The following BEND3 variants were observed in gnomAD, a reference collection of about 807,000 sequenced individuals.
The protein encoded by BEND3 is BEN domain-containing protein 3.
A neutral mutation model predicts 60.1 loss-of-function variants in BEND3; 13 were observed. The observed-to-expected ratio is 0.22, with a 90% CI of 0.14 to 0.34. The LOEUF is 0.34. BEND3 is among the 10% of genes least tolerant of loss of function. The probability of loss-of-function intolerance (pLI) is 1.00; values close to 1 mark genes in which losing one functional copy is unlikely to be tolerated. For missense variants in BEND3, 896 were observed against 1,138.1 expected (o/e 0.79, Z 3.06); for synonymous variants, 497 against 491.5 (o/e 1.01, Z -0.15).
At chr6:107,108,624 C>T (rs1490418218) in intron 1 of BEND3, among the ~76,000 whole-genome samples, 1 of 152,176 alleles carries the variant, frequency 6.6e-6, no homozygotes, top group Non-Finnish European at 1.5e-5. Context: ...CAGTCCTTCG[C>T]TCTGCTAGCT....
chr6:107,110,422 C>T (rs1554238206), intron 1 of BEND3, among the ~76,000 whole-genome samples: 1 of 152,038 alleles, frequency 6.6e-6, no homozygotes, highest in African/African-American at 2.4e-5. Flanking sequence ...TGGGTTGAAA[C>T]AATGATGTTG....
intron 3 of BEND3, among the ~76,000 whole-genome samples, chr6:107,076,398 C>T (rs1055688683): frequency 2.0e-5 from 3 of 152,138 alleles, no homozygotes; most frequent in Non-Finnish European, 4.4e-5. Flanking sequence ...TTGATCAGGG[C>T]GTTTCATTCA....
intron 3 of BEND3, among the ~76,000 whole-genome samples, chr6:107,098,338 C>T (rs1346815454): frequency 6.6e-6 from 1 of 152,166 alleles, no homozygotes; most frequent in Non-Finnish European, 1.5e-5. Flanking sequence ...TGAAGGCTCC[C>T]TTTACCCACC....
intron 1 of BEND3, among the ~76,000 whole-genome samples, chr6:107,101,166 T>C (rs1338776935): frequency 1.3e-5 from 2 of 152,038 alleles, no homozygotes; most frequent in African/African-American, 4.8e-5. Flanking sequence ...CACACCACTA[T>C]ACCCCAGCCT....
chr6:107,073,197 G>GTATGTA (rs1775019713), intron 3 of BEND3, among the ~76,000 whole-genome samples: 3 of 30,210 alleles, frequency 9.9e-5, no homozygotes, highest in African/African-American at 2.1e-4. Flanking sequence ...GTTTGTATGT[G>GTATGTA]TATGTATATA....
intron 3 of BEND3, among the ~76,000 whole-genome samples, chr6:107,078,145 G>T (rs1170298146): frequency 3.9e-5 from 6 of 152,166 alleles, no homozygotes; most frequent in Non-Finnish European, 8.8e-5. Context: ...TTTGAGGGAG[G>T]TTTTTTCTTC....
In BEND3 at chr6:107,069,791, G is replaced by C; in HGVS notation, c.1400C>G (p.Ala467Gly). 2 of 1,613,184 alleles carry C rather than the reference G, an allele frequency of 1.2e-6. No homozygotes were observed. The highest frequency in any genetic ancestry group is 1.7e-6 in the Non-Finnish European group (2 of 1,179,992). ...IYFPDMQEEE[A>G]WLQQCAQRIN... The stretch of plus-strand genomic sequence containing the variant: ...GCGCTGGGCACACTGCTGCAGCCAG[G>C]CCTCCTCCTCCTGCATGTCAGGGAA... The change falls in exon 4 of 4, where the codon GCC becomes GGC. Residue 467 changes from alanine (A) to glycine (G), a missense_variant. Ala to Gly is a moderately conservative substitution (Grantham distance 60). Transcript: ENST00000369042.
At position 107,069,035 on chromosome 6, in the gene BEND3, T is replaced by C. The variant is rs1554231308; in HGVS notation, c.2156A>G (p.Tyr719Cys). 2 of 1,613,400 alleles carry C rather than the reference T, an allele frequency of 1.2e-6. No homozygotes were observed. The highest frequency in any genetic ancestry group is 1.7e-4 in the Middle Eastern group (1 of 6,052). ...ACGCACCTCCTTGTCAGACAGCAGG[T>C]AGGGAGAAGGCACCGGGAAGTCAGG... ...PSPDFPVPSP[Y>C]LLSDKEVREI... Residue 719 changes from tyrosine to cysteine, a missense_variant, in exon 4 of 4, where the codon TAC becomes TGC. Tyr to Cys is a radical substitution (Grantham distance 194). This residue lies in a region of BEND3 where 846 missense variants were observed against 1,036.7 expected (regional missense o/e 0.82). Coordinates refer to ENST00000369042, the MANE Select transcript of BEND3 (RefSeq NM_001367314.1).
chr6:107,099,760 C>T (rs1055240160), intron 1 of BEND3, among the ~76,000 whole-genome samples: 1 of 152,104 alleles, frequency 6.6e-6, no homozygotes, highest in Non-Finnish European at 1.5e-5. Context: ...ACTAGCCACA[C>T]CTGGCTACCA....
At chr6:107,114,524 G>C (rs1770216405) in intron 1 of BEND3, 1 of 151,606 alleles carries the variant, frequency 6.6e-6, no homozygotes, top group Admixed American at 6.6e-5. Flanking sequence ...CTGCTCCCCC[G>C]GCCTCCCGCT....
chr6:107,103,281 C>T (rs1775738551), intron 1 of BEND3, among the ~76,000 whole-genome samples: 1 of 152,220 alleles, frequency 6.6e-6, no homozygotes, highest in African/African-American at 2.4e-5. Context: ...CCTCCATTTC[C>T]TGGTCACCTG....
At chr6:107,093,585 A>G (rs1232595894) in intron 3 of BEND3, among the ~76,000 whole-genome samples, 4 of 152,202 alleles carry the variant, frequency 2.6e-5, no homozygotes, top group African/African-American at 9.7e-5. Flanking sequence ...GATCAATAGA[A>G]CAGAATAGCC....
rs1399549161 is a variant in BEND3, at chr6:107,087,848, T to A, written c.240+10703A>T. Among the ~76,000 whole-genome samples, 6 of 147,760 alleles carry A rather than the reference T, an allele frequency of 4.1e-5. No individual in the cohort carries two copies. In the East Asian group the frequency reaches 1.2e-3, roughly 29 times the overall value. On this transcript the variant is annotated intron_variant, in intron 3 of 3. Transcript: ENST00000369042. ...GGTCTTGCTATGTTGTCCAAGCTGG[T>A]CTTAAACTCTGGGCTCAAATGATCC...
chr6:107,076,224 T>C (rs1554232756), intron 3 of BEND3, among the ~76,000 whole-genome samples: 1 of 152,182 alleles, frequency 6.6e-6, no homozygotes. Context: ...TGATAAAATC[T>C]CGGCTCAGCT....
rs1202277406 is a variant in BEND3 at position 107,115,250 on chromosome 6, ATTTTCCCCTCTCT to A, written c.-185_-173del. On this transcript the variant is annotated 5_prime_UTR_variant, in exon 1 of 4. The change creates a premature stop within an existing upstream ORF in the 5' untranslated region. Coordinates refer to ENST00000369042, the MANE Select transcript of BEND3 (RefSeq NM_001367314.1). ...GGCGGCGGGCGGGCGAGCGCCGTGT[ATTTTCCCCTCTCT>A]TTGTGTGTGTCCGTGCGCTGCGCTC... 2.7e-5 allele frequency: 4 copies of A among 149,048 alleles called. No individual in the cohort carries two copies. Among genetic ancestry groups the A allele is most frequent in the Non-Finnish European group, 6.0e-5 (4 of 66,878 alleles). The allele number at this position is 149,048 out of a possible 1,614,324, so 9.2% of individuals were successfully genotyped here.
chr6:107,114,749 C>T lies in BEND3; in HGVS notation c.-12+341G>A, dbSNP rs1241092912. Among the ~76,000 whole-genome samples the T allele has an allele frequency of 3.8e-4, 56 of 145,738 alleles. 1 individual carries two copies. The East Asian group carries it at 0.01, about 27-fold the overall frequency. On this transcript the variant is annotated intron_variant, in intron 1 of 3. Coordinates refer to ENST00000369042, the MANE Select transcript of BEND3 (RefSeq NM_001367314.1). ...GCGCGAGTGGGGCGGGCGGCGGCGG[C>T]GGCGCGGACGGTTCCACCGCGCGAA...
At chr6:107,097,867 C>T (rs2115026296) in intron 3 of BEND3, among the ~76,000 whole-genome samples, 1 of 150,686 alleles carries the variant, frequency 6.6e-6, no homozygotes, top group East Asian at 2.0e-4. Context: ...TAGGTCCTCA[C>T]TATAAACATG....
intron 3 of BEND3, among the ~76,000 whole-genome samples, chr6:107,072,627 C>A (rs953176441): frequency 2.0e-5 from 3 of 152,136 alleles, no homozygotes; most frequent in African/African-American, 7.2e-5. Context: ...GGAATAGAAA[C>A]CAAGAGCCCA....
intron 3 of BEND3, among the ~76,000 whole-genome samples, chr6:107,081,170 A>T (rs1279719663): frequency 6.6e-6 from 1 of 151,606 alleles, no homozygotes; most frequent in Non-Finnish European, 1.5e-5. Context: ...AGCCTCCCAA[A>T]ATGCTGGGAT....
Sources: gnomAD v4.1 joint callset for allele counts (sites outside exome capture counted in the v4.1 genomes callset) on GRCh38, gnomAD v4.1.1 for gene constraint, gnomAD v4.1.1 regional missense constraint, MANE v1.5 for transcripts, NCBI Gene and HGNC (gene_info 2026-07-23, HGNC 2026-07-21) for gene names.